The following NDST4 variants were observed in gnomAD, a reference collection of about 807,000 sequenced individuals.
The protein encoded by NDST4 is N-deacetylase and N-sulfotransferase 4.
A neutral mutation model predicts 100.8 loss-of-function variants in NDST4; 63 were observed. The observed-to-expected ratio is 0.62, with a 90% confidence interval of 0.51 to 0.77. The LOEUF is 0.77. Ranked by LOEUF, NDST4 falls within the 30% of genes least tolerant of loss-of-function variation. NDST4 has a pLI of 0.00. For synonymous variants in NDST4, 377 were observed against 361.8 expected (o/e 1.04, Z -0.48); for missense variants, 943 against 1,018.4 (o/e 0.93, Z 1.01).
At chr4:114,924,456 GAAA>G (rs796235650) in intron 6 of NDST4, among the ~76,000 whole-genome samples, 3 of 142,922 alleles carry the variant, frequency 2.1e-5, no homozygotes, top group Admixed American at 1.4e-4. Context: ...GAAGATAAAG[GAAA>G]AAAAAAAAGG....
At chr4:114,949,103 A>G (rs1448422065) in intron 4 of NDST4, among the ~76,000 whole-genome samples, 1 of 152,060 alleles carries the variant, frequency 6.6e-6, no homozygotes, top group Non-Finnish European at 1.5e-5. Flanking sequence ...TCACTGAAAC[A>G]GTGAAACTAA....
intron 1 of NDST4, among the ~76,000 whole-genome samples, chr4:115,111,711 C>T (rs1729956186): frequency 6.6e-6 from 1 of 151,484 alleles, no homozygotes; most frequent in South Asian, 2.1e-4. Context: ...ATTAGTAACT[C>T]ATATATATTA....
chr4:115,073,083 T>C (rs2126288400), intron 2 of NDST4, among the ~76,000 whole-genome samples: 1 of 152,068 alleles, frequency 6.6e-6, no homozygotes, highest in Non-Finnish European at 1.5e-5. Context: ...CATCGCTAAC[T>C]ATCAGGGAAA....
intron 6 of NDST4, among the ~76,000 whole-genome samples, chr4:114,925,854 C>G (rs995716346): frequency 7.9e-5 from 12 of 152,118 alleles, no homozygotes; most frequent in African/African-American, 2.4e-4. Flanking sequence ...TAATGTTGCT[C>G]TTTGTGTAGC....
At chr4:115,039,174 T>A (rs1728296284) in intron 2 of NDST4, among the ~76,000 whole-genome samples, 1 of 152,054 alleles carries the variant, frequency 6.6e-6, no homozygotes, top group Non-Finnish European at 1.5e-5. Flanking sequence ...GAGAAATTCA[T>A]GTAGTACCAG....
intron 6 of NDST4, among the ~76,000 whole-genome samples, chr4:114,877,014 G>C (rs1333570233): frequency 1.3e-5 from 2 of 152,022 alleles, no homozygotes; most frequent in Non-Finnish European, 2.9e-5. Flanking sequence ...CAAGCGGATT[G>C]CACGCTTAAT....
At chr4:115,057,780 T>C (rs1344059609) in intron 2 of NDST4, among the ~76,000 whole-genome samples, 2 of 151,680 alleles carry the variant, frequency 1.3e-5, no homozygotes, top group Non-Finnish European at 2.9e-5. Context: ...AGTGTTCAGA[T>C]ATGAAATTCC....
intron 4 of NDST4, among the ~76,000 whole-genome samples, chr4:114,968,595 G>T (rs924113992): frequency 4.6e-5 from 7 of 152,254 alleles, no homozygotes; most frequent in Middle Eastern, 3.4e-3. Context: ...TGTGAAAGCA[G>T]CTGCAGGCAA....
intron 2 of NDST4, among the ~76,000 whole-genome samples, chr4:115,033,129 GTGTATATATA>G (rs1416108833): frequency 0.014 from 772 of 55,888 alleles, 10 homozygotes; most frequent in African/African-American, 0.052. Context: ...ATATATATAT[GTGTATATATA>G]TATATATATA....
At chr4:114,870,664 A>T in intron 7 of NDST4, 104 bp downstream of exon 7, 3 of 914,472 alleles carry the variant, frequency 3.3e-6, no homozygotes, top group South Asian at 3.6e-5. Flanking sequence ...ATTTTGTGTT[A>T]AATTCCAGTT....
At chr4:114,838,338 T>G (rs1723346274) in intron 11 of NDST4, among the ~76,000 whole-genome samples, 2 of 152,174 alleles carry the variant, frequency 1.3e-5, no homozygotes, top group Non-Finnish European at 2.9e-5. Flanking sequence ...CAAAAGATTA[T>G]AAATCATTCT....
At chr4:115,016,751 G>A (rs993254163) in intron 2 of NDST4, among the ~76,000 whole-genome samples, 1 of 151,984 alleles carries the variant, frequency 6.6e-6, no homozygotes, top group Non-Finnish European at 1.5e-5. Flanking sequence ...CAATGGAAAA[G>A]TACAACAACC....
At chr4:115,040,303 G>T (rs1415129281) in intron 2 of NDST4, among the ~76,000 whole-genome samples, 2 of 146,828 alleles carry the variant, frequency 1.4e-5, no homozygotes, top group South Asian at 4.5e-4. Context: ...CTATTCCAAG[G>T]GCCTTATAAG....
intron 2 of NDST4, among the ~76,000 whole-genome samples, chr4:115,007,538 GT>G (rs1352180779): frequency 6.6e-6 from 1 of 152,072 alleles, no homozygotes; most frequent in Admixed American, 6.6e-5. Context: ...GTTGTTTTTT[GT>G]TGGTTTGTTT....
intron 1 of NDST4, among the ~76,000 whole-genome samples, chr4:115,108,643 TG>T (rs901093464): frequency 4.0e-5 from 6 of 151,786 alleles, no homozygotes; most frequent in African/African-American, 1.4e-4. Flanking sequence ...AAGGGAGTGT[TG>T]GAAAAAAAAG....
chr4:115,091,432 A>G (rs1247547171), intron 1 of NDST4, among the ~76,000 whole-genome samples: 2 of 152,088 alleles, frequency 1.3e-5, no homozygotes, highest in Non-Finnish European at 2.9e-5. Flanking sequence ...AAATGTGTAC[A>G]CCATGGTTTA....
intron 2 of NDST4, among the ~76,000 whole-genome samples, chr4:115,011,977 AAG>A (rs1452731073): frequency 2.6e-5 from 4 of 151,846 alleles, no homozygotes; most frequent in African/African-American, 9.7e-5. Context: ...GGCAACATGA[AAG>A]AGAGAAAAAT....
intron 7 of NDST4, among the ~76,000 whole-genome samples, chr4:114,863,129 T>C (rs1338602222): frequency 1.3e-5 from 2 of 152,218 alleles, no homozygotes; most frequent in South Asian, 2.1e-4. Flanking sequence ...ACTTTTCTTA[T>C]ACTGTATGAA....
At chr4:115,093,680 GTA>G in intron 1 of NDST4, among the ~76,000 whole-genome samples, 1 of 152,008 alleles carries the variant, frequency 6.6e-6, no homozygotes, top group Non-Finnish European at 1.5e-5. Context: ...CACTATGACT[GTA>G]ATGCCATGTA....
Sources: gnomAD v4.1 joint callset for allele counts (sites outside exome capture counted in the v4.1 genomes callset) on GRCh38, gnomAD v4.1.1 for gene constraint, MANE v1.5 for transcripts, NCBI Gene and HGNC (gene_info 2026-07-23, HGNC 2026-07-21) for gene names.